Variants in M6PR observed in about 807,000 individuals in gnomAD.
The protein encoded by M6PR is cation-dependent mannose-6-phosphate receptor.
In M6PR, 19 loss-of-function variants were observed where a neutral mutation model predicts 33.1. The observed-to-expected ratio is 0.57, with a 90% confidence interval of 0.40 to 0.84. The LOEUF (loss-of-function observed/expected upper bound fraction) is 0.84. Ranked by LOEUF, M6PR falls within the 40% of genes least tolerant of loss-of-function variation. The probability of loss-of-function intolerance (pLI) is 0.00; values close to 1 mark genes in which losing one functional copy is unlikely to be tolerated. For missense variants in M6PR, 295 were observed against 336.0 expected, an observed-to-expected ratio of 0.88 and a Z score of 0.95; for synonymous variants, 111 against 123.4, an observed-to-expected ratio of 0.90 and a Z score of 0.67.
chr12:8,947,409 C>A (rs1946110775), intron 1 of M6PR, among the ~76,000 whole-genome samples: 1 of 152,168 alleles, frequency 6.6e-6, no homozygotes, highest in Non-Finnish European at 1.5e-5. Flanking sequence ...ACTTCCCACA[C>A]CCCACTAAAG....
rs1945994806 is a variant in M6PR at position 8,941,055 on chromosome 12, A to AGG, written c.*761_*762dup. ...CCCTTTTCTGGAACCCCTGTGGCACAGGAGTACCAATTTTCCTTTCCAACG... is the reference window on the plus strand; with the variant it reads ...CCCTTTTCTGGAACCCCTGTGGCACAGGGGAGTACCAATTTTCCTTTCCAACG... On this transcript the variant is annotated 3_prime_UTR_variant, in exon 7 of 7. Coordinates refer to ENST00000000412, the MANE Select transcript of M6PR (RefSeq NM_002355.4). 7.7e-6 allele frequency: 1 copy of AGG among 130,408 alleles called. No individual in the cohort carries two copies. Among genetic ancestry groups the AGG allele is most frequent in the Non-Finnish European group, 1.6e-5 (1 of 63,316 alleles). The allele number at this position is 130,408 out of a possible 1,614,324, so 8.1% of individuals were successfully genotyped here. A position where few individuals can be genotyped will look rare whatever the true frequency, so the allele number is the denominator to read the frequency against.
rs1592222544 is a variant in M6PR, at chr12:8,943,830, TCAC to T, written c.421_423del (p.Val141del). On this transcript the variant is annotated inframe_deletion, in exon 4 of 7. Coordinates refer to ENST00000000412, the MANE Select transcript of M6PR (RefSeq NM_002355.4). ...AGGGTGTGTCGATTGCAGGAGATCA[TCAC>T]CACTGCACGACGCTGCTCCTTGCCA... is the stretch of plus-strand genomic sequence containing the variant. 2 of 1,613,110 alleles carry T rather than the reference TCAC, an allele frequency of 1.2e-6. No individual in the cohort carries two copies. Among genetic ancestry groups the T allele is most frequent in the Non-Finnish European group, 1.7e-6 (2 of 1,180,002 alleles).
Position 8,943,795 on chromosome 12 carries a change from C to T in M6PR, c.453+6G>A. On this transcript the variant is annotated splice_donor_region_variant and intron_variant, in intron 4 of 6. Transcript: ENST00000000412. ...CCCTCGGCTTATACAACACAGGGTG[C>T]CTCACCGCTAGGGTGTGTCGATTGC... 6.2e-7 allele frequency: 1 copy of T among 1,610,274 alleles called. No homozygotes were observed.
At chr12:8,943,684 G>A in intron 4 of M6PR, 117 bp downstream of exon 4, 2 of 1,324,076 alleles carry the variant, frequency 1.5e-6, no homozygotes, top group Non-Finnish European at 2.2e-6. Context: ...GAGAAACTGA[G>A]CTCCTAGTTT....
rs1946005520 is a variant in M6PR, at chr12:8,941,456, G to C, written c.*362C>G. On this transcript the variant is annotated 3_prime_UTR_variant, in exon 7 of 7. Transcript: ENST00000000412. ...TTTTTTTTTTAATTAAAGAAATCCA[G>C]TGTCTCAAAAACTTGTGAAAATGTG... The C allele has an allele frequency of 2.6e-5, 5 of 189,284 alleles. No individual in the cohort carries two copies. The Admixed American group carries it at 2.7e-4, about 10-fold the overall frequency. The allele number at this position is 189,284 out of a possible 1,614,324, so 11.7% of individuals were successfully genotyped here.
At chr12:8,945,199 A>G (rs1805726) in intron 3 of M6PR, 163,341 of 463,346 alleles carry the variant, frequency 0.35, 31,299 homozygotes, top group Admixed American at 0.42. Context: ...TTCATTTTGC[A>G]TAAGTTTTTC....
Position 8,949,581 on chromosome 12 carries a change from A to G in M6PR, c.-95T>C, listed in dbSNP as rs1298795596. On this transcript the variant is annotated 5_prime_UTR_variant, in exon 1 of 7. Coordinates refer to ENST00000000412, the MANE Select transcript of M6PR (RefSeq NM_002355.4). The surrounding 1 kb of genome is among the most constrained non-coding windows in gnomAD (Gnocchi z 5.6). ...GGGGCCAGCTAGGGGCCGGCCGCAG[A>G]CCCCGGTCCCAGAGCTAGTTTCAGA... The G allele has an allele frequency of 6.6e-6, 1 of 151,814 alleles. No individual in the cohort carries two copies. The highest frequency in any genetic ancestry group is 2.0e-4 in the East Asian group (1 of 5,126). 9.4% of individuals were successfully genotyped at this position (151,814 alleles called of 1,614,324 possible).
In M6PR at chr12:8,941,879, A is replaced by G; in HGVS notation, c.773T>C (p.Val258Ala). 6.2e-7 allele frequency: 1 copy of G among 1,614,124 alleles called. No individual in the cohort carries two copies. The highest frequency in any genetic ancestry group is 2.2e-5 in the East Asian group (1 of 44,890). Residue 258 changes from valine (V) to alanine (A), a missense_variant, in exon 7 of 7, where the codon GTG becomes GCG. Transcript: ENST00000000412. ...PRNVPAAYRG[V>A]GDDQLGEESE... ...CTCCTCCCCCAGCTGGTCATCCCCC[A>G]CACCACGATATGCTGCAGGCACATT...
At position 8,941,942 on chromosome 12, in the gene M6PR, T is replaced by C; in HGVS notation, c.712-2A>G. On this transcript the variant is annotated splice_acceptor_variant, in intron 6 of 6. Transcript: ENST00000000412. LOFTEE classifies it high-confidence loss of function. ...ACGGCAGACAAAGTCACAGCCATCC[T>C]GTAGGGGGAAAAAAAAGAAGGAAAT... is the stretch of plus-strand genomic sequence containing the variant. The C allele has an allele frequency of 9.9e-6, 16 of 1,614,092 alleles. No homozygotes were observed. The highest frequency in any genetic ancestry group is 1.3e-5 in the Non-Finnish European group (15 of 1,179,964).
chr12:8,942,531 A>G lies in M6PR; in HGVS notation c.596T>C (p.Leu199Pro). Residue 199 changes from leucine (L) to proline (P), a missense_variant, in exon 6 of 7, where the codon CTG becomes CCG. Coordinates refer to ENST00000000412, the MANE Select transcript of M6PR (RefSeq NM_002355.4). ...CCCCCCAACAACATAAACAGCAACC[A>G]GTGATGCAAACCTGTAGAGAGAGAA... ...GSILLVTFAS[L>P]VAVYVVGGFL... 5.0e-6 allele frequency: 8 copies of G among 1,614,202 alleles called. No homozygotes were observed. The highest frequency in any genetic ancestry group is 6.8e-6 in the Non-Finnish European group (8 of 1,180,012).
At position 8,943,883 on chromosome 12, in the gene M6PR, C is replaced by T. The variant is rs754513738; in HGVS notation, c.371G>A (p.Gly124Glu). The change falls in exon 4 of 7, where the codon GGG becomes GAG. Residue 124 changes from glycine (G) to glutamate (E), a missense_variant. Gly to Glu is a moderately conservative substitution (Grantham distance 98). Coordinates refer to ENST00000000412, the MANE Select transcript of M6PR (RefSeq NM_002355.4). ...GSNWIMLIYK[G>E]GDEYDNHCGK... ...ACAGTGGTTGTCATATTCATCACCC[C>T]CTTTATAGATCAGCATGATCCAATT... The T allele has an allele frequency of 6.2e-7, 1 of 1,613,610 alleles. No individual in the cohort carries two copies. Among genetic ancestry groups the T allele is most frequent in the Non-Finnish European group, 8.5e-7 (1 of 1,179,846 alleles).
intron 3 of M6PR, among the ~76,000 whole-genome samples, chr12:8,944,473 C>T (rs1805729): frequency 0.19 from 28,250 of 152,184 alleles, 3,225 homozygotes; most frequent in Admixed American, 0.28. Context: ...ATACGACTTT[C>T]CAGTCACAGG....
rs1443697671 is a variant in M6PR at position 8,945,551 on chromosome 12, T to G, written c.210A>C (p.Thr70=). 1 of 1,614,102 alleles carries G rather than the reference T, an allele frequency of 6.2e-7. No individual in the cohort carries two copies. The highest frequency in any genetic ancestry group is 8.5e-7 in the Non-Finnish European group (1 of 1,180,026). ...GGCACACCCTGAAGATGTAGATGTA[T>G]GTGTCTGAACCCTGGCCCACAGTGC... ...FESTVGQGSD[T]YIYIFRVCRE... Residue 70 remains threonine, a synonymous_variant, in exon 3 of 7, where the codon ACA becomes ACC. Coordinates refer to ENST00000000412, the MANE Select transcript of M6PR (RefSeq NM_002355.4).
chr12:8,943,359 A>C (rs1164312365), intron 5 of M6PR, 46 bp downstream of exon 5: 1 of 1,611,044 alleles, frequency 6.2e-7, no homozygotes. Context: ...TGACCTTAAA[A>C]ACAAAAGGAA....
chr12:8,943,794 G>T lies in M6PR; in HGVS notation c.453+7C>A. 6.2e-7 allele frequency: 1 copy of T among 1,609,038 alleles called. No homozygotes were observed. Among genetic ancestry groups the T allele is most frequent in the Non-Finnish European group, 8.5e-7 (1 of 1,177,038 alleles). ...TCCCTCGGCTTATACAACACAGGGT[G>T]CCTCACCGCTAGGGTGTGTCGATTG... On this transcript the variant is annotated splice_region_variant and intron_variant, in intron 4 of 6. Coordinates refer to ENST00000000412, the MANE Select transcript of M6PR (RefSeq NM_002355.4).
chr12:8,945,345 A>C, intron 3 of M6PR, 73 bp downstream of exon 3: 1 of 1,529,712 alleles, frequency 6.5e-7, no homozygotes, highest in South Asian at 1.2e-5. Flanking sequence ...AACGGCCAAG[A>C]CATACAGGAT....
rs1353686810 is a variant in M6PR, at chr12:8,946,413, A to G, written c.-1-8T>C. ...CTGTAGAAAGGGAACATCCTTTGGG[A>G]GAGAGTGTGTGTTGGGGAGGGCAGG... On this transcript the variant is annotated splice_region_variant and splice_polypyrimidine_tract_variant and intron_variant, in intron 1 of 6. Coordinates refer to ENST00000000412, the MANE Select transcript of M6PR (RefSeq NM_002355.4). 2.5e-6 allele frequency: 4 copies of G among 1,613,200 alleles called. No homozygotes were observed. Among genetic ancestry groups the G allele is most frequent in the African/African-American group, 2.7e-5 (2 of 75,028 alleles).
rs748499477 is a variant in M6PR at position 8,943,473 on chromosome 12, C to T, written c.516G>A (p.Glu172=). The T allele has an allele frequency of 1.9e-6, 3 of 1,614,190 alleles. No individual in the cohort carries two copies. The highest frequency in any genetic ancestry group is 2.5e-6 in the Non-Finnish European group (3 of 1,180,030). The change falls in exon 5 of 7, where the codon GAG becomes GAA. Residue 172 remains glutamate (E), a synonymous_variant. Transcript: ENST00000000412. ...GKVQDCFYLF[E]MDSSLACSPE... is the part of the protein sequence containing the mutation. ...GTGAACAGGCCAGGCTGCTATCCAT[C>T]TCAAAGAGGTAGAAACAATCTTGGA...
chr12:8,945,375 G>C, intron 3 of M6PR, 43 bp downstream of exon 3: 1 of 1,597,398 alleles, frequency 6.3e-7, no homozygotes, highest in Non-Finnish European at 8.6e-7. Context: ...GATTGACTTG[G>C]GATCAGTTAG....
Sources: gnomAD v4.1 joint callset for allele counts (sites outside exome capture counted in the v4.1 genomes callset) on GRCh38, gnomAD v4.1.1 for gene constraint, Gnocchi (gnomAD v3.1) non-coding constraint, MANE v1.5 for transcripts, NCBI Gene and HGNC (gene_info 2026-07-23, HGNC 2026-07-21) for gene names.